The following SASS6 variants were observed in gnomAD, a reference collection of about 807,000 sequenced individuals.
SASS6 encodes the protein SAS-6 centriolar assembly protein.
A neutral mutation model predicts 94.9 loss-of-function variants in SASS6; 59 were observed. That is an observed-to-expected ratio of 0.62 (90% CI 0.50 to 0.77). The LOEUF is 0.77. Among genes scored for constraint, SASS6 ranks in the 30% least tolerant of loss-of-function variants. The pLI is 0.00. For synonymous variants in SASS6, 264 were observed against 270.0 expected (o/e 0.98, Z 0.22); for missense variants, 698 against 734.1 (o/e 0.95, Z 0.57).
chr1:100,129,183 G>A (rs1654834852), intron 1 of SASS6, among the ~76,000 whole-genome samples: 1 of 151,762 alleles, frequency 6.6e-6, no homozygotes, highest in Admixed American at 6.6e-5. Flanking sequence ...ATTACAGTAA[G>A]CCATGATTAT....
chr1:100,119,465 C>T (rs1654015890), intron 6 of SASS6, among the ~76,000 whole-genome samples: 9 of 152,194 alleles, frequency 5.9e-5, no homozygotes, highest in Admixed American at 5.9e-4. Context: ...ACATATAAAA[C>T]CCAGTAACAT....
intron 7 of SASS6, 36 bp downstream of exon 7, chr1:100,118,981 TA>T: frequency 6.9e-7 from 1 of 1,441,858 alleles, no homozygotes; most frequent in Non-Finnish European, 9.3e-7. Flanking sequence ...CTAACAGCAA[TA>T]AAAGATATTT....
At chr1:100,122,349 T>C in intron 4 of SASS6, 31 bp downstream of exon 4, 2 of 953,890 alleles carry the variant, frequency 2.1e-6, no homozygotes, top group Non-Finnish European at 3.3e-6. Context: ...TTGAATTAAA[T>C]TTAATAATGT....
chr1:100,107,323 A>T, intron 11 of SASS6, 51 bp downstream of exon 11: 1 of 1,189,350 alleles, frequency 8.4e-7, no homozygotes, highest in Non-Finnish European at 1.2e-6. Flanking sequence ...ATAAATTTTT[A>T]AAACGAGGAA....
intron 14 of SASS6, among the ~76,000 whole-genome samples, chr1:100,089,817 AGT>A (rs1651554800): frequency 6.6e-6 from 1 of 152,104 alleles, no homozygotes; most frequent in African/African-American, 2.4e-5. Flanking sequence ...AAAGGAAAAA[AGT>A]GTGTAAATAG....
At chr1:100,098,304 G>T (rs996750882) in intron 14 of SASS6, among the ~76,000 whole-genome samples, 1 of 151,882 alleles carries the variant, frequency 6.6e-6, no homozygotes, top group African/African-American at 2.4e-5. Flanking sequence ...AATGGTGCAT[G>T]CCTGTAGTCT....
intron 8 of SASS6, 97 bp from the exon 9 acceptor site, chr1:100,108,101 T>C (rs1653046340): frequency 3.0e-6 from 2 of 665,910 alleles, no homozygotes; most frequent in Non-Finnish European, 4.7e-6. Context: ...TAAAAAAAAG[T>C]CTTTAATAAT....
chr1:100,107,132 A>C lies in SASS6; in HGVS notation c.1327-139T>G, dbSNP rs919135339. The C allele has an allele frequency of 2.1e-5, 13 of 607,352 alleles. No individual in the cohort carries two copies. The Admixed American group carries it at 4.1e-4, about 19-fold the overall frequency. The allele number at this position is 607,352 out of a possible 1,614,324, so 37.6% of individuals were successfully genotyped here. On this transcript the variant is annotated intron_variant, in intron 11 of 16. Transcript: ENST00000287482. ...AAATGAGAATAAAGGAATTAGCTCAATTATGTAATAAAATATTTACATGTG... is the reference window on the plus strand; with the variant it reads ...AAATGAGAATAAAGGAATTAGCTCACTTATGTAATAAAATATTTACATGTG...
At position 100,125,875 on chromosome 1, in the gene SASS6, T is replaced by C. The variant is rs1308776021; in HGVS notation, c.126+7A>G. On this transcript the variant is annotated splice_region_variant and intron_variant, in intron 2 of 16. Coordinates refer to ENST00000287482, the MANE Select transcript of SASS6 (RefSeq NM_194292.3). ...AATGATATTTCAAAAAAGGACTAAA[T>C]ACCAACCTTTCTGTGAACTGGATTA... 3.5e-6 allele frequency: 5 copies of C among 1,440,158 alleles called. No individual in the cohort carries two copies. Among genetic ancestry groups the C allele is most frequent in the Non-Finnish European group, 3.9e-6 (4 of 1,032,584 alleles). The allele number at this position is 1,440,158 out of a possible 1,614,324, so 89.2% of individuals were successfully genotyped here. A position where few individuals can be genotyped will look rare whatever the true frequency, so the allele number is the denominator to read the frequency against.
At chr1:100,089,833 T>C (rs888783729) in intron 14 of SASS6, among the ~76,000 whole-genome samples, 1 of 151,924 alleles carries the variant, frequency 6.6e-6, no homozygotes, top group African/African-American at 2.4e-5. Flanking sequence ...TAAATAGTAA[T>C]GTATGGGTTA....
Position 100,110,311 on chromosome 1 carries a change from T to G in SASS6, c.842A>C (p.Lys281Thr), listed in dbSNP as rs1653224509. ...CAATACCTCTTCAACACCAGAAAGTTTTGCTTTAAGTTCTCTAATAGTGGA... is the reference window on the plus strand; with the variant it reads ...CAATACCTCTTCAACACCAGAAAGTGTTGCTTTAAGTTCTCTAATAGTGGA... Reference protein sequence around the residue: ...GDSTIRELKAKLSGVEEELQR... With the variant: ...GDSTIRELKATLSGVEEELQR... The change falls in exon 8 of 17, where the codon AAA becomes ACA. Residue 281 changes from lysine to threonine, a missense_variant. Lys to Thr is a moderately conservative substitution (Grantham distance 78). Coordinates refer to ENST00000287482, the MANE Select transcript of SASS6 (RefSeq NM_194292.3). The G allele has an allele frequency of 6.4e-7, 1 of 1,568,418 alleles. No homozygotes were observed. Among genetic ancestry groups the G allele is most frequent in the East Asian group, 2.3e-5 (1 of 43,408 alleles).
rs1379078988 is a variant in SASS6 at position 100,084,966 on chromosome 1, G to A, written c.*362C>T. ...TTAGTATTCTTTGGTTGCATACTAT[G>A]AGGTTATGAGCAGGTTTTAGTTTAC... On this transcript the variant is annotated 3_prime_UTR_variant, in exon 17 of 17. Transcript: ENST00000287482. The A allele has an allele frequency of 3.5e-5, 6 of 169,356 alleles. No homozygotes were observed. The highest frequency in any genetic ancestry group is 2.4e-4 in the Admixed American group (4 of 16,782). 10.5% of individuals were successfully genotyped at this position (169,356 alleles called of 1,614,324 possible).
At chr1:100,090,465 G>A (rs1031931012) in intron 14 of SASS6, among the ~76,000 whole-genome samples, 1 of 152,108 alleles carries the variant, frequency 6.6e-6, no homozygotes, top group Non-Finnish European at 1.5e-5. Context: ...AAGAGAGGGA[G>A]GAAAATCCCT....
chr1:100,120,776 C>T (rs564269792), intron 5 of SASS6, among the ~76,000 whole-genome samples: 2 of 152,218 alleles, frequency 1.3e-5, no homozygotes, highest in East Asian at 1.9e-4. Context: ...TAGGGCCGGG[C>T]GCGGTGGCTC....
At position 100,084,417 on chromosome 1, in the gene SASS6, CTT is replaced by C. The variant is rs1488935621; in HGVS notation, c.*909_*910del. ...TTTCCCCAAGGAACAATTCTTAAAACTTTCAGTTACAGGGAAGAGAAGAAAAT... is the reference window on the plus strand; with the variant it reads ...TTTCCCCAAGGAACAATTCTTAAAACTCAGTTACAGGGAAGAGAAGAAAAT... On this transcript the variant is annotated 3_prime_UTR_variant, in exon 17 of 17. Transcript: ENST00000287482. 6.6e-6 allele frequency: 1 copy of C among 151,994 alleles called. No individual in the cohort carries two copies. Among genetic ancestry groups the C allele is most frequent in the Non-Finnish European group, 1.5e-5 (1 of 67,942 alleles). The allele number at this position is 151,994 out of a possible 1,614,324, so 9.4% of individuals were successfully genotyped here. A position where few individuals can be genotyped will look rare whatever the true frequency, so the allele number is the denominator to read the frequency against.
At chr1:100,113,458 A>G (rs943629917) in intron 7 of SASS6, among the ~76,000 whole-genome samples, 4 of 151,920 alleles carry the variant, frequency 2.6e-5, no homozygotes, top group Non-Finnish European at 5.9e-5. Flanking sequence ...AAGACAAAAA[A>G]AAGTACAAAA....
chr1:100,123,902 C>T (rs889989460), intron 2 of SASS6, among the ~76,000 whole-genome samples: 5 of 152,148 alleles, frequency 3.3e-5, no homozygotes, highest in Admixed American at 2.0e-4. Flanking sequence ...CAGGTAGCTA[C>T]GTGTACATAG....
chr1:100,103,556 C>A (rs931424839), intron 13 of SASS6, among the ~76,000 whole-genome samples: 2 of 152,172 alleles, frequency 1.3e-5, no homozygotes, highest in Non-Finnish European at 2.9e-5. Context: ...CACACATTAA[C>A]CAACGTTATG....
rs1379175205 is a variant in SASS6, at chr1:100,103,061, G to A, written c.1568C>T (p.Pro523Leu). ...LNVVDGRLTY[P>L]TCGIGYPVSS... ...GACAGGATAACCAATCCCACAGGTT[G>A]GGTAAGTCAGTCTACCATCAACCTA... Residue 523 changes from proline (P) to leucine (L), a missense_variant, in exon 14 of 17, where the codon CCA (proline) becomes CTA (leucine). By Grantham distance (98) the Pro-to-Leu change is moderately conservative (BLOSUM62 -3). Coordinates refer to ENST00000287482, the MANE Select transcript of SASS6 (RefSeq NM_194292.3). 1.2e-6 allele frequency: 2 copies of A among 1,601,054 alleles called. No homozygotes were observed. The highest frequency in any genetic ancestry group is 1.1e-5 in the South Asian group (1 of 90,334).
Sources: gnomAD v4.1 joint callset for allele counts (sites outside exome capture counted in the v4.1 genomes callset) on GRCh38, gnomAD v4.1.1 for gene constraint, MANE v1.5 for transcripts, NCBI Gene and HGNC (gene_info 2026-07-23, HGNC 2026-07-21) for gene names.